RGS6: variants seen among roughly 807,000 people sequenced by gnomAD.
RGS6 encodes the protein regulator of G protein signaling 6.
In RGS6, 30 loss-of-function variants were observed where a neutral mutation model predicts 78.5. That is an observed-to-expected ratio of 0.38 (90% CI 0.29 to 0.52). The LOEUF is 0.52. Ranked by LOEUF, RGS6 falls within the 20% of genes least tolerant of loss-of-function variation. The pLI, the probability that RGS6 is intolerant of heterozygous loss-of-function variation, is 0.85. For missense variants in RGS6, 495 were observed against 609.7 expected (o/e 0.81, Z 1.98); for synonymous variants, 206 against 206.0 (o/e 1.00, Z 0.00).
At chr14:72,238,336 A>G (rs938869585) in intron 2 of RGS6, among the ~76,000 whole-genome samples, 3 of 152,158 alleles carry the variant, frequency 2.0e-5, no homozygotes, top group African/African-American at 7.2e-5. Flanking sequence ...AACTCTTCTC[A>G]TTTAGGGCTG....
chr14:72,145,670 A>T (rs1326267591), intron 2 of RGS6, among the ~76,000 whole-genome samples: 2 of 152,158 alleles, frequency 1.3e-5, no homozygotes, highest in Non-Finnish European at 2.9e-5. Context: ...TTTAGTAGAG[A>T]TGGGGTTTCA....
At chr14:71,967,932 T>C (rs1363349752) in intron 2 of RGS6, among the ~76,000 whole-genome samples, 2 of 152,320 alleles carry the variant, frequency 1.3e-5, no homozygotes, top group South Asian at 4.1e-4. Context: ...TGTTTTCATG[T>C]CATTAACTGT....
At chr14:72,282,774 G>A (rs1368547208) in intron 2 of RGS6, among the ~76,000 whole-genome samples, 1 of 152,070 alleles carries the variant, frequency 6.6e-6, no homozygotes, top group African/African-American at 2.4e-5. Flanking sequence ...TTGTTTGTGT[G>A]GTAGAACACT....
chr14:72,121,802 G>A (rs746679668), intron 2 of RGS6, among the ~76,000 whole-genome samples: 21 of 152,110 alleles, frequency 1.4e-4, no homozygotes, highest in Admixed American at 4.6e-4. Context: ...ATCTTTCAAG[G>A]ACTGGAACTG....
chr14:72,036,793 C>T (rs2091775829), intron 2 of RGS6, among the ~76,000 whole-genome samples: 1 of 152,062 alleles, frequency 6.6e-6, no homozygotes, highest in Admixed American at 6.5e-5. Context: ...ATTCTTTTAA[C>T]AGTGTCTTTC....
chr14:72,467,512 C>G lies in RGS6; in HGVS notation c.459+1690C>G, dbSNP rs886884491. On this transcript the variant is annotated intron_variant, in intron 7 of 17. Transcript: ENST00000553525. The stretch of plus-strand genomic sequence containing the variant: ...AAGCCTACCAAGCCTACCAAGCCAG[C>G]TGGGCCATCGCTCCCCTCTCTACAG... 2.0e-5 allele frequency among the ~76,000 whole-genome samples: 3 copies of G among 152,142 alleles called. No homozygotes were observed. In the East Asian group the frequency reaches 5.8e-4, roughly 29 times the overall value.
At chr14:72,147,385 C>T (rs530787609) in intron 2 of RGS6, among the ~76,000 whole-genome samples, 27 of 152,304 alleles carry the variant, frequency 1.8e-4, no homozygotes, top group African/African-American at 5.3e-4. Context: ...AGAAAGCCAG[C>T]GTCTGGCAAG....
chr14:72,614,521 G>A, the RGS6 span, among the ~76,000 whole-genome samples: 1 of 152,064 alleles, frequency 6.6e-6, no homozygotes, highest in East Asian at 1.9e-4. Flanking sequence ...CTGGGGGCCT[G>A]ACCCCTCTGG....
rs1884814870 is a variant in RGS6 at position 72,562,541 on chromosome 14, C to G, written c.*74C>G. 1 of 1,595,628 alleles carries G rather than the reference C, an allele frequency of 6.3e-7. No individual in the cohort carries two copies. Among genetic ancestry groups the G allele is most frequent in the African/African-American group, 1.3e-5 (1 of 74,702 alleles). On this transcript the variant is annotated 3_prime_UTR_variant, in exon 18 of 18. Coordinates refer to ENST00000553525, the MANE Select transcript of RGS6 (RefSeq NM_001204424.2). ...GGCGGCGGCGCTCCACATCTGCGGA[C>G]AGAGTTTCCTTACGAGGAGACTTGG...
chr14:72,328,548 G>A (rs561276078), intron 2 of RGS6, among the ~76,000 whole-genome samples: 102 of 152,258 alleles, frequency 6.7e-4, no homozygotes, highest in African/African-American at 2.4e-3. Flanking sequence ...CTGAAGTGAA[G>A]GGGGTAGGCA....
At chr14:72,601,048 G>A in the RGS6 span, among the ~76,000 whole-genome samples, 2 of 146,294 alleles carry the variant, frequency 1.4e-5, no homozygotes, top group Non-Finnish European at 3.0e-5. Context: ...GAGGAGAAGG[G>A]GGAAGAGGAG....
intron 15 of RGS6, among the ~76,000 whole-genome samples, chr14:72,534,925 G>A (rs2097228289): frequency 6.6e-6 from 1 of 152,104 alleles, no homozygotes; most frequent in Admixed American, 6.5e-5. Context: ...GCATACATGG[G>A]GGAAGATGCT....
At chr14:72,502,028 A>G (rs192819048) in intron 13 of RGS6, among the ~76,000 whole-genome samples, 8 of 152,310 alleles carry the variant, frequency 5.3e-5, no homozygotes, top group African/African-American at 1.7e-4. Context: ...CAAGTAGGAC[A>G]CCAAGACCAA....
intron 2 of RGS6, among the ~76,000 whole-genome samples, chr14:72,156,443 G>T (rs894186460): frequency 5.3e-5 from 6 of 114,270 alleles, no homozygotes; most frequent in Non-Finnish European, 1.0e-4. Context: ...GACAGGGTGA[G>T]ACTCCATCTC....
downstream of RGS6, among the ~76,000 whole-genome samples, chr14:72,567,799 G>A (rs1567151658): frequency 6.6e-6 from 1 of 152,148 alleles, no homozygotes; most frequent in African/African-American, 2.4e-5. Context: ...ACAGAGCTCT[G>A]CCCAGCAGGC....
chr14:72,001,471 A>AACACACAC (rs3053057), intron 2 of RGS6, among the ~76,000 whole-genome samples: 85 of 146,134 alleles, frequency 5.8e-4, no homozygotes, highest in Non-Finnish European at 7.1e-4. Context: ...ATAAAAACAG[A>AACACACAC]ACACACACAC....
chr14:72,451,815 C>T (rs1280333257), intron 3 of RGS6, among the ~76,000 whole-genome samples: 3 of 152,020 alleles, frequency 2.0e-5, no homozygotes, highest in Non-Finnish European at 2.9e-5. Flanking sequence ...TGTAGTGGCG[C>T]GATCTCGGCT....
chr14:72,133,170 A>T (rs1052889195), intron 2 of RGS6, among the ~76,000 whole-genome samples: 1 of 152,138 alleles, frequency 6.6e-6, no homozygotes, highest in Non-Finnish European at 1.5e-5. Context: ...TTCCTTTTCA[A>T]CCTGTACACT....
At chr14:72,194,747 A>G (rs917587572) in intron 2 of RGS6, among the ~76,000 whole-genome samples, 2 of 152,242 alleles carry the variant, frequency 1.3e-5, no homozygotes, top group Non-Finnish European at 2.9e-5. Flanking sequence ...GATATTTGTT[A>G]TGGTAAAAAG....
Sources: gnomAD v4.1 joint callset for allele counts (sites outside exome capture counted in the v4.1 genomes callset) on GRCh38, gnomAD v4.1.1 for gene constraint, MANE v1.5 for transcripts, NCBI Gene and HGNC (gene_info 2026-07-23, HGNC 2026-07-21) for gene names.